Variants in ARHGAP21 observed in about 807,000 individuals in gnomAD.
ARHGAP21 encodes Rho GTPase activating protein 21, also known as rho GTPase-activating protein 21.
Under a neutral mutation model 164.6 loss-of-function variants are expected in ARHGAP21, and 38 were observed. The ratio of observed to expected loss-of-function variants is 0.23; its 90% CI spans 0.18 to 0.30. ARHGAP21 has a LOEUF of 0.30. Among genes scored for constraint, ARHGAP21 ranks in the 10% least tolerant of loss-of-function variants. The pLI is 1.00. For missense variants in ARHGAP21, 1,822 were observed against 2,370.7 expected, an observed-to-expected ratio of 0.77 and a Z score of 4.81; for synonymous variants, 766 against 857.9, an observed-to-expected ratio of 0.89 and a Z score of 1.87.
chr10:24,693,561 C>G (rs896089480), intron 2 of ARHGAP21, among the ~76,000 whole-genome samples: 2 of 152,026 alleles, frequency 1.3e-5, no homozygotes, highest in African/African-American at 4.8e-5. Context: ...CCATGTTGAC[C>G]AGGCTGGTCT....
chr10:24,600,423 G>C (rs2076767325), intron 14 of ARHGAP21, among the ~76,000 whole-genome samples: 1 of 152,114 alleles, frequency 6.6e-6, no homozygotes, highest in Non-Finnish European at 1.5e-5. Flanking sequence ...AAGGTATACA[G>C]CATATATAAA....
chr10:24,620,053 G>A lies in ARHGAP21; in HGVS notation c.1842C>T (p.Asp614=), dbSNP rs780126565. The A allele has an allele frequency of 1.9e-6, 3 of 1,613,958 alleles. No individual in the cohort carries two copies. The highest frequency in any genetic ancestry group is 2.2e-5 in the South Asian group (2 of 91,078). ...GMSLPRGISQ[D]RSPLVKVRSN... ...TTCGGACTTTCACAAGAGGTGACCT[G>A]TCTTGTGAAATACCCCGAGGCAGTG... is the stretch of plus-strand genomic sequence containing the variant. The change falls in exon 9 of 26, where the codon GAC becomes GAT. Residue 614 remains aspartate (D), a synonymous_variant. Coordinates refer to ENST00000396432, the MANE Select transcript of ARHGAP21 (RefSeq NM_020824.4).
chr10:24,617,411 T>C (rs1463939298), intron 9 of ARHGAP21, among the ~76,000 whole-genome samples: 1 of 152,218 alleles, frequency 6.6e-6, no homozygotes, highest in Non-Finnish European at 1.5e-5. Context: ...AAGATTTTTT[T>C]ACATTTTAAA....
chr10:24,686,365 G>A (rs1293925315), intron 2 of ARHGAP21, among the ~76,000 whole-genome samples: 10 of 152,098 alleles, frequency 6.6e-5, no homozygotes, highest in Admixed American at 6.6e-4. Context: ...AGAGGTCAAG[G>A]CTGCAGTGAG....
chr10:24,708,831 A>G (rs1432848804), intron 2 of ARHGAP21, among the ~76,000 whole-genome samples: 1 of 152,170 alleles, frequency 6.6e-6, no homozygotes, highest in Non-Finnish European at 1.5e-5. Flanking sequence ...GTCTTTGTCT[A>G]TTCCTCCACT....
chr10:24,640,663 T>C (rs1010426079), intron 4 of ARHGAP21, among the ~76,000 whole-genome samples: 5 of 152,076 alleles, frequency 3.3e-5, no homozygotes, highest in African/African-American at 9.7e-5. Context: ...ATATTGAAAT[T>C]AATATCTATT....
intron 4 of ARHGAP21, among the ~76,000 whole-genome samples, chr10:24,660,833 A>T (rs1003883452): frequency 3.3e-5 from 5 of 152,178 alleles, no homozygotes; most frequent in African/African-American, 4.8e-5. Flanking sequence ...GTTATTGCAC[A>T]TATCTCCTTA....
chr10:24,719,332 G>A (rs1050644178), intron 2 of ARHGAP21, among the ~76,000 whole-genome samples: 7 of 152,126 alleles, frequency 4.6e-5, no homozygotes, highest in African/African-American at 1.7e-4. Context: ...AATATATCCT[G>A]GGGGTGGGGA....
Position 24,691,421 on chromosome 10 carries a change from C to A in ARHGAP21, c.64-21024G>T, listed in dbSNP as rs914511642. Among the ~76,000 whole-genome samples the A allele has an allele frequency of 5.9e-5, 9 of 152,164 alleles. 1 individual carries two copies. Among genetic ancestry groups the A allele is most frequent in the Non-Finnish European group, 1.3e-4 (9 of 68,032 alleles). The stretch of plus-strand genomic sequence containing the variant: ...TTCACTCACGTTCTTTCAAATACAT[C>A]GCTGAGGTCAAACTGAATTGTGTCT... On this transcript the variant is annotated intron_variant, in intron 2 of 25. Coordinates refer to ENST00000396432, the MANE Select transcript of ARHGAP21 (RefSeq NM_020824.4).
chr10:24,713,199 G>C (rs140890552), intron 2 of ARHGAP21, among the ~76,000 whole-genome samples: 51 of 152,294 alleles, frequency 3.3e-4, no homozygotes, highest in African/African-American at 1.2e-3. Flanking sequence ...TAGAACTCAA[G>C]AGAGTGTCTT....
At chr10:24,640,070 A>T (rs982288035) in intron 4 of ARHGAP21, 1 of 152,022 alleles carries the variant, frequency 6.6e-6, no homozygotes, top group Non-Finnish European at 1.5e-5. Flanking sequence ...CAAGAGAAAC[A>T]TATTTCTTAA....
At chr10:24,632,998 T>G (rs1475924191) in intron 6 of ARHGAP21, among the ~76,000 whole-genome samples, 1 of 152,170 alleles carries the variant, frequency 6.6e-6, no homozygotes, top group Non-Finnish European at 1.5e-5. Context: ...TTAGAACAAA[T>G]GAGTTGAGGC....
In ARHGAP21 at chr10:24,670,350, C is replaced by G. The variant is rs376044037; in HGVS notation, c.111G>C (p.Leu37=). 8 of 1,603,332 alleles carry G rather than the reference C, an allele frequency of 5.0e-6. No homozygotes were observed. Among genetic ancestry groups the G allele is most frequent in the Non-Finnish European group, 6.8e-6 (8 of 1,174,362 alleles). ...DGKEQSETVS[L]SEDETFSWPG... Reference sequence around the variant, plus strand: ...GCCAGGAGAATGTTTCATCTTCAGACAGTGATACAGTTTCACTTTGTTCTT... The same window carrying G: ...GCCAGGAGAATGTTTCATCTTCAGAGAGTGATACAGTTTCACTTTGTTCTT... The change falls in exon 3 of 26, where the codon CTG becomes CTC. Residue 37 remains leucine, a synonymous_variant. Transcript: ENST00000396432.
intron 9 of ARHGAP21, among the ~76,000 whole-genome samples, chr10:24,611,713 G>A (rs1403089563): frequency 2.7e-5 from 4 of 147,962 alleles, no homozygotes; most frequent in Non-Finnish European, 6.0e-5. Context: ...TGTCAAAAAA[G>A]AAAAAAGAAG....
chr10:24,722,889 CGCTCCA>C (rs1490863807), intron 1 of ARHGAP21: 3 of 152,054 alleles, frequency 2.0e-5, no homozygotes, highest in African/African-American at 7.2e-5. Flanking sequence ...GCGCCGCTCC[CGCTCCA>C]GGGCATGATT....
At chr10:24,673,653 G>C (rs1593246956) in intron 2 of ARHGAP21, among the ~76,000 whole-genome samples, 1 of 152,012 alleles carries the variant, frequency 6.6e-6, no homozygotes, top group Non-Finnish European at 1.5e-5. Flanking sequence ...CTTGAGGCCA[G>C]GAGTTCGAGA....
chr10:24,665,009 T>A (rs1840057889), intron 4 of ARHGAP21, among the ~76,000 whole-genome samples: 1 of 152,132 alleles, frequency 6.6e-6, no homozygotes, highest in Admixed American at 6.5e-5. Context: ...TTCCCCCCCA[T>A]AAGAAGCATG....
chr10:24,646,450 C>T (rs566995685), intron 4 of ARHGAP21, among the ~76,000 whole-genome samples: 129 of 152,054 alleles, frequency 8.5e-4, no homozygotes, highest in African/African-American at 3.1e-3. Flanking sequence ...CCAGCCTAGG[C>T]AACATGGCAA....
chr10:24,607,520 T>C lies in ARHGAP21; in HGVS notation c.2663A>G (p.Asp888Gly), dbSNP rs779912398. 1.2e-6 allele frequency: 2 copies of C among 1,613,486 alleles called. No individual in the cohort carries two copies. Among genetic ancestry groups the C allele is most frequent in the Admixed American group, 1.7e-5 (1 of 60,026 alleles). ...TTACAATTTTGCATCTTCTCTGTAA[T>C]CATCCAGACCCTCATCATATGATTT... ...RSKSYDEGLD[D>G]YREDAKLSFK... Residue 888 changes from aspartate to glycine, a missense_variant, in exon 11 of 26, where the codon GAT (aspartate) becomes GGT (glycine). By Grantham distance (94) the Asp-to-Gly change is moderately conservative. Transcript: ENST00000396432.
Sources: allele counts gnomAD v4.1 joint callset (sites outside exome capture counted in the v4.1 genomes callset), GRCh38; gene constraint gnomAD v4.1.1; transcripts MANE v1.5; gene names NCBI Gene and HGNC (gene_info 2026-07-23, HGNC 2026-07-21).